The following MYO18B variants were observed in gnomAD, a reference collection of about 807,000 sequenced individuals.
The protein encoded by MYO18B is unconventional myosin-XVIIIb.
Under a neutral mutation model 273.0 loss-of-function variants are expected in MYO18B, and 204 were observed. The ratio of observed to expected loss-of-function variants is 0.75; its 90% CI spans 0.67 to 0.84. The LOEUF is 0.84. Among genes scored for constraint, MYO18B ranks in the 40% least tolerant of loss-of-function variants. The pLI, the probability that MYO18B is intolerant of heterozygous loss-of-function variation, is 0.00. For synonymous variants in MYO18B, 1,330 were observed against 1,305.7 expected (o/e 1.02, Z -0.40); for missense variants, 3,212 against 3,287.6 (o/e 0.98, Z 0.56).
At chr22:25,947,899 TGATGTGGTTGGACTA>T (rs1194867961) in intron 36 of MYO18B, 71 bp downstream of exon 36, 1 of 1,158,324 alleles carries the variant, frequency 8.6e-7, no homozygotes, top group Non-Finnish European at 1.3e-6. Flanking sequence ...GTTGAGAAGG[TGATGTGGTTGGACTA>T]CTCCCTGGTC....
intron 21 of MYO18B, 78 bp from the exon 22 acceptor site, chr22:25,868,242 A>G: frequency 1.6e-6 from 2 of 1,268,594 alleles, no homozygotes; most frequent in Non-Finnish European, 2.2e-6. Flanking sequence ...CGCATCAGCC[A>G]TCGAGCCAGC....
Position 25,993,392 on chromosome 22 carries a change from A to C in MYO18B, c.6287+899A>C, listed in dbSNP as rs74453167. On this transcript the variant is annotated intron_variant, in intron 40 of 43. Transcript: ENST00000335473. ...AGACACTTTCCTTACACAGCTTTTC[A>C]ATAAAGAATCTACAGGGTGGTTCCC... 4.2e-3 allele frequency among the ~76,000 whole-genome samples: 644 copies of C among 152,228 alleles called. 4 individuals carry two copies. Among genetic ancestry groups the C allele is most frequent in the African/African-American group, 0.015 (620 of 41,540 alleles).
chr22:25,827,249 C>A (rs933286086), intron 14 of MYO18B, among the ~76,000 whole-genome samples: 2 of 152,138 alleles, frequency 1.3e-5, no homozygotes, highest in African/African-American at 4.8e-5. Context: ...GGGGTAGAAC[C>A]GAGATGCAAA....
chr22:25,820,887 G>T (rs2089252836), intron 12 of MYO18B, among the ~76,000 whole-genome samples: 1 of 151,996 alleles, frequency 6.6e-6, no homozygotes, highest in Admixed American at 6.6e-5. Context: ...CTACTTTTAT[G>T]AAATCTTTTT....
At chr22:25,887,153 G>C (rs943493542) in intron 25 of MYO18B, among the ~76,000 whole-genome samples, 1 of 152,208 alleles carries the variant, frequency 6.6e-6, no homozygotes, top group African/African-American at 2.4e-5. Context: ...ACAGGATCAA[G>C]CCAAGACCCG....
intron 9 of MYO18B, among the ~76,000 whole-genome samples, chr22:25,780,941 G>A (rs367666297): frequency 6.6e-6 from 1 of 152,104 alleles, no homozygotes; most frequent in African/African-American, 2.4e-5. Flanking sequence ...ACTCCTCCCC[G>A]TCTCCCTCAA....
intron 21 of MYO18B, among the ~76,000 whole-genome samples, chr22:25,860,542 A>C (rs2090700622): frequency 6.6e-6 from 1 of 152,210 alleles, no homozygotes; most frequent in South Asian, 2.1e-4. Flanking sequence ...ATTTTCATTT[A>C]GTTCAAGATA....
At chr22:25,933,706 A>G (rs2092540499) in intron 34 of MYO18B, among the ~76,000 whole-genome samples, 1 of 152,240 alleles carries the variant, frequency 6.6e-6, no homozygotes, top group Non-Finnish European at 1.5e-5. Flanking sequence ...TGTGACTACC[A>G]CAATTTATCT....
chr22:25,760,140 G>A (rs2086255868), intron 1 of MYO18B, among the ~76,000 whole-genome samples: 1 of 152,102 alleles, frequency 6.6e-6, no homozygotes, highest in Admixed American at 6.6e-5. Context: ...TCCTGGCTGG[G>A]CGTGGTGGCT....
intron 11 of MYO18B, among the ~76,000 whole-genome samples, chr22:25,797,095 C>T (rs557571243): frequency 4.1e-4 from 62 of 152,224 alleles, no homozygotes; most frequent in African/African-American, 1.3e-3. Context: ...GGTGTGGTGG[C>T]GGGTGCCTGT....
At chr22:25,987,854 T>C (rs1337012434) in intron 39 of MYO18B, among the ~76,000 whole-genome samples, 2 of 152,314 alleles carry the variant, frequency 1.3e-5, no homozygotes, top group South Asian at 4.1e-4. Context: ...TATTGTAGTT[T>C]TAGATTATCC....
At chr22:25,957,130 A>G (rs906102804) in intron 39 of MYO18B, among the ~76,000 whole-genome samples, 42 of 152,300 alleles carry the variant, frequency 2.8e-4, no homozygotes, top group African/African-American at 1.0e-3. Context: ...CCCTCCTGCA[A>G]GCTCTGGCTG....
intron 17 of MYO18B, among the ~76,000 whole-genome samples, chr22:25,837,011 A>ATAT (rs1257544344): frequency 2.8e-5 from 4 of 144,832 alleles, no homozygotes; most frequent in African/African-American, 7.8e-5. Flanking sequence ...AATAATAATA[A>ATAT]GGCAAATGCA....
rs58679561 is a variant in MYO18B, at chr22:25,792,497, CTT to C, written c.2377-5441_2377-5440del. Among the ~76,000 whole-genome samples the C allele has an allele frequency of 7.4e-5, 8 of 107,934 alleles. No individual in the cohort carries two copies. The East Asian group carries it at 1.6e-3, about 21-fold the overall frequency. 70.8% of individuals were successfully genotyped at this position (107,934 alleles called of 152,430 possible). ...GTGATGTTTCTTTTTTTTTTCTTTT[CTT>C]TTTTTTTTTTTTTTGAGACAGAGTC... On this transcript the variant is annotated intron_variant, in intron 11 of 43. Coordinates refer to ENST00000335473, the MANE Select transcript of MYO18B (RefSeq NM_032608.7).
At position 25,806,103 on chromosome 22, in the gene MYO18B, G is replaced by T. The variant is rs5761223; in HGVS notation, c.2521+8006G>T. 2.0e-5 allele frequency among the ~76,000 whole-genome samples: 3 copies of T among 152,280 alleles called. No individual in the cohort carries two copies. The South Asian group carries it at 6.2e-4, about 32-fold the overall frequency. ...TAGCACAGGGCCTGGTACATAGTAT[G>T]TGCTCAATAGGTATTTACTGAGCCA... On this transcript the variant is annotated intron_variant, in intron 12 of 43. Coordinates refer to ENST00000335473, the MANE Select transcript of MYO18B (RefSeq NM_032608.7).
At chr22:25,777,812 T>G in intron 8 of MYO18B, 31 bp downstream of exon 8, 1 of 1,552,170 alleles carries the variant, frequency 6.4e-7, no homozygotes, top group Non-Finnish European at 8.7e-7. Context: ...CATGGAGAGT[T>G]GGGGTCAGCA....
In MYO18B at chr22:25,785,650, G is replaced by A. The variant is rs116917090; in HGVS notation, c.2376+159G>A. Among the ~76,000 whole-genome samples, 69 of 152,210 alleles carry A rather than the reference G, an allele frequency of 4.5e-4. No individual in the cohort carries two copies. In the East Asian group the frequency reaches 0.012, roughly 26 times the overall value. On this transcript the variant is annotated intron_variant, in intron 11 of 43. Coordinates refer to ENST00000335473, the MANE Select transcript of MYO18B (RefSeq NM_032608.7). ...GTTGGCACTGCCTTTGTAGGGTCTC[G>A]GCTTATTGGGTAAAGAAGACTCAGA...
chr22:25,892,876 G>A (rs916125561), intron 27 of MYO18B, among the ~76,000 whole-genome samples: 1 of 152,108 alleles, frequency 6.6e-6, no homozygotes, highest in Non-Finnish European at 1.5e-5. Context: ...ATCCCCAGAG[G>A]GGCGCCAGTG....
chr22:26,043,286 C>G, the MYO18B span, among the ~76,000 whole-genome samples: 1 of 152,096 alleles, frequency 6.6e-6, no homozygotes, highest in South Asian at 2.1e-4. Flanking sequence ...ATACCACAGT[C>G]ATCTTATTTA....
Sources: allele counts gnomAD v4.1 joint callset (sites outside exome capture counted in the v4.1 genomes callset), GRCh38; gene constraint gnomAD v4.1.1; transcripts MANE v1.5; gene names NCBI Gene and HGNC (gene_info 2026-07-23, HGNC 2026-07-21).